The following DHX8 variants were observed in gnomAD, a reference collection of about 807,000 sequenced individuals.
DHX8 encodes the protein ATP-dependent RNA helicase DHX8.
DHX8 carries 67 observed loss-of-function variants against 140.7 expected under a neutral mutation model. That is an observed-to-expected ratio of 0.48 (90% CI 0.39 to 0.58). The LOEUF (loss-of-function observed/expected upper bound fraction) is 0.58, where lower values mean the gene tolerates loss of function less well. Ranked by LOEUF, DHX8 falls within the 20% of genes least tolerant of loss-of-function variation. The pLI, the probability that DHX8 is intolerant of heterozygous loss-of-function variation, is 0.00. For missense variants in DHX8, 887 were observed against 1,550.7 expected, an observed-to-expected ratio of 0.57 and a Z score of 7.19; for synonymous variants, 533 against 553.2, an observed-to-expected ratio of 0.96 and a Z score of 0.51.
In DHX8 at chr17:43,507,907, C is replaced by T. The variant is rs762238476; in HGVS notation, c.2208C>T (p.Thr736=). 17 of 1,614,200 alleles carry T rather than the reference C, an allele frequency of 1.1e-5. No individual in the cohort carries two copies. The highest frequency in any genetic ancestry group is 1.4e-5 in the Non-Finnish European group (17 of 1,180,032). Residue 736 remains threonine (T), a synonymous_variant, in exon 15 of 23, where the codon ACC becomes ACT. Coordinates refer to ENST00000262415, the MANE Select transcript of DHX8 (RefSeq NM_004941.3). Reference sequence around the variant, plus strand: ...ACTTCTATGAAGCTCCCATTTTCACCATCCCAGGTCGAACATATCCAGTGG... The same window carrying T: ...ACTTCTATGAAGCTCCCATTTTCACTATCCCAGGTCGAACATATCCAGTGG... ...SQYFYEAPIF[T]IPGRTYPVEI... is the part of the protein sequence containing the mutation.
chr17:43,531,012 C>T (rs536604097), downstream of DHX8, among the ~76,000 whole-genome samples: 39 of 152,276 alleles, frequency 2.6e-4, no homozygotes, highest in African/African-American at 8.9e-4. Context: ...GGTCTACAGC[C>T]TTTGAAGGTC....
chr17:43,519,577 C>G (rs1970273563), intron 18 of DHX8: 1 of 151,850 alleles, frequency 6.6e-6, no homozygotes. Flanking sequence ...GTCTCAACTC[C>G]CGGACTCAAG....
chr17:43,544,755 C>A (rs1971713445), downstream of DHX8: 3 of 504,910 alleles, frequency 5.9e-6, no homozygotes, highest in Non-Finnish European at 1.1e-5. Flanking sequence ...CCTAGTTACA[C>A]AAGCCTGGCT....
intron 8 of DHX8, among the ~76,000 whole-genome samples, chr17:43,495,458 T>C (rs1968800723): frequency 6.6e-6 from 1 of 152,096 alleles, no homozygotes; most frequent in Non-Finnish European, 1.5e-5. Flanking sequence ...TTTTAATTTT[T>C]TGTAGAGACA....
At chr17:43,529,563 C>T, downstream of DHX8, 1 of 1,614,118 alleles carries the variant, frequency 6.2e-7, no homozygotes, top group Non-Finnish European at 8.5e-7. Context: ...ATGAAATGGG[C>T]ATTTGTTGGG....
chr17:43,499,373 T>C (rs765951658), intron 10 of DHX8, among the ~76,000 whole-genome samples: 48 of 152,278 alleles, frequency 3.2e-4, no homozygotes, highest in Non-Finnish European at 5.6e-4. Flanking sequence ...CCAGAATTCA[T>C]AGAACAATAA....
chr17:43,513,402 T>C lies in DHX8; in HGVS notation c.2543T>C (p.Ile848Thr). 3 of 1,613,972 alleles carry C rather than the reference T, an allele frequency of 1.9e-6. No individual in the cohort carries two copies. Among genetic ancestry groups the C allele is most frequent in the South Asian group, 1.1e-5 (1 of 91,042 alleles). ...AATATCGCAGAGACATCGCTGACTA[T>C]TGATGGTATCTACTATGTGGTGGAC... ...ATNIAETSLT[I>T]DGIYYVVDPG... Residue 848 changes from isoleucine to threonine, a missense_variant, in exon 17 of 23, where the codon ATT (isoleucine) becomes ACT (threonine). Ile to Thr is a moderately conservative substitution (Grantham distance 89). Coordinates refer to ENST00000262415, the MANE Select transcript of DHX8 (RefSeq NM_004941.3).
intron 17 of DHX8, 50 bp from the exon 18 acceptor site, chr17:43,517,117 G>C (rs763982834): frequency 2.6e-6 from 4 of 1,550,838 alleles, no homozygotes; most frequent in Non-Finnish European, 3.5e-6. Context: ...GGGTAAAGCT[G>C]TTAAGCAGTG....
chr17:43,530,451 A>T (rs1970854453), downstream of DHX8: 4 of 1,357,828 alleles, frequency 2.9e-6, no homozygotes, highest in Admixed American at 3.3e-5. Flanking sequence ...TGAAGGGCCC[A>T]AGCTGCCAGG....
chr17:43,523,548 T>C, intron 22 of DHX8, 80 bp from the exon 23 acceptor site: 1 of 1,576,730 alleles, frequency 6.3e-7, no homozygotes, highest in Non-Finnish European at 8.6e-7. Flanking sequence ...TAAGCTCAGC[T>C]GAGGCCTACT....
At chr17:43,496,394 A>T (rs1300592728) in intron 9 of DHX8, 126 bp downstream of exon 9, 1 of 612,788 alleles carries the variant, frequency 1.6e-6, no homozygotes, top group Non-Finnish European at 2.9e-6. Flanking sequence ...TCATCTCTCA[A>T]AAAAAAAAGG....
rs1438260594 is a variant in DHX8, at chr17:43,513,345, G to A, written c.2503-17G>A. The A allele has an allele frequency of 1.2e-6, 2 of 1,611,044 alleles. No homozygotes were observed. The highest frequency in any genetic ancestry group is 1.7e-5 in the Admixed American group (1 of 59,706). ...AGCCTGGGCACCTCACTCCAGCTTT[G>A]CCCCTCTTGCCTGCAGGTTGTGATT... On this transcript the variant is annotated splice_polypyrimidine_tract_variant and intron_variant, in intron 16 of 22. Transcript: ENST00000262415.
intron 2 of DHX8, among the ~76,000 whole-genome samples, chr17:43,532,019 TTTTAA>T (rs1450310035): frequency 6.6e-6 from 1 of 152,236 alleles, no homozygotes. Flanking sequence ...TCCCCCTTTA[TTTTAA>T]TTTTACTTTT....
chr17:43,498,523 C>T (rs1163464603), intron 9 of DHX8, among the ~76,000 whole-genome samples: 3 of 151,552 alleles, frequency 2.0e-5, no homozygotes, highest in Non-Finnish European at 2.9e-5. Flanking sequence ...GATCTCAGCT[C>T]ACTGCAACCT....
At position 43,492,263 on chromosome 17, in the gene DHX8, C is replaced by A; in HGVS notation, c.474C>A (p.Gly158=). The change falls in exon 5 of 23, where the codon GGC becomes GGA. Residue 158 remains glycine (G), a synonymous_variant. Coordinates refer to ENST00000262415, the MANE Select transcript of DHX8 (RefSeq NM_004941.3). ...ELEALMPSAA[G]QEKQRDAEHR... is the part of the protein sequence containing the mutation. ...AAGCTTTAATGCCCAGCGCAGCAGG[C>A]CAGGAGAAGCAAAGAGATGCTGAAC... 1 of 1,613,878 alleles carries A rather than the reference C, an allele frequency of 6.2e-7. No individual in the cohort carries two copies. Among genetic ancestry groups the A allele is most frequent in the Non-Finnish European group, 8.5e-7 (1 of 1,179,846 alleles).
intron 5 of DHX8, 115 bp downstream of exon 5, chr17:43,492,407 CAT>C: frequency 1.4e-6 from 1 of 735,110 alleles, no homozygotes; most frequent in South Asian, 1.6e-5. Context: ...GGTCATATAT[CAT>C]ATTGTTGGAT....
At chr17:43,509,231 G>A (rs1387047400) in intron 16 of DHX8, among the ~76,000 whole-genome samples, 1 of 152,072 alleles carries the variant, frequency 6.6e-6, no homozygotes, top group Non-Finnish European at 1.5e-5. Context: ...AAGGATCTAA[G>A]GTAGTCCTGG....
chr17:43,496,189 T>C lies in DHX8; in HGVS notation c.1221T>C (p.Ala407=), dbSNP rs1484517607. ...TTCTCTTCTTTGGCTAGATGATTGC[T>C]GCCAATGTCCTTTCCAAAGAAGAAT... The part of the protein sequence containing the change: ...PEKWEIKQMI[A]ANVLSKEEFP... Residue 407 remains alanine (A), a synonymous_variant, in exon 9 of 23, where the codon GCT becomes GCC. Transcript: ENST00000262415. The C allele has an allele frequency of 6.2e-7, 1 of 1,613,702 alleles. No individual in the cohort carries two copies. Among genetic ancestry groups the C allele is most frequent in the Non-Finnish European group, 8.5e-7 (1 of 1,179,648 alleles).
At chr17:43,513,330 C>G in intron 16 of DHX8, 32 bp from the exon 17 acceptor site, 1 of 1,607,524 alleles carries the variant, frequency 6.2e-7, no homozygotes, top group Non-Finnish European at 8.5e-7. Flanking sequence ...AGCCTGGGCA[C>G]CTCACTCCAG....
Sources: allele counts gnomAD v4.1 joint callset (sites outside exome capture counted in the v4.1 genomes callset), GRCh38; gene constraint gnomAD v4.1.1; transcripts MANE v1.5; gene names NCBI Gene and HGNC (gene_info 2026-07-23, HGNC 2026-07-21).